Variants in DGKB observed in about 807,000 individuals in gnomAD.
DGKB encodes the protein diacylglycerol kinase beta.
In DGKB, 67 loss-of-function variants were observed where a neutral mutation model predicts 114.3. That is an observed-to-expected ratio of 0.59 (90% CI 0.48 to 0.72). DGKB has a LOEUF of 0.72. DGKB is among the 30% of genes least tolerant of loss of function. The pLI, the probability that DGKB is intolerant of heterozygous loss-of-function variation, is 0.00. For missense variants in DGKB, 907 were observed against 975.2 expected (o/e 0.93, Z 0.93); for synonymous variants, 398 against 323.1 (o/e 1.23, Z -2.49).
chr7:14,209,723 A>ATAAGT (rs952447249), intron 23 of DGKB, among the ~76,000 whole-genome samples: 1 of 152,142 alleles, frequency 6.6e-6, no homozygotes, highest in African/African-American at 2.4e-5. Flanking sequence ...AACTTCAGAC[A>ATAAGT]TAAGTTAATA....
chr7:14,704,458 A>G (rs566519369), intron 6 of DGKB, among the ~76,000 whole-genome samples: 7 of 149,886 alleles, frequency 4.7e-5, no homozygotes, highest in Non-Finnish European at 1.0e-4. Context: ...AAAAAAAAAA[A>G]AAAAAAGAAA....
At chr7:14,183,842 TC>T (rs1562557898) in intron 23 of DGKB, among the ~76,000 whole-genome samples, 1 of 152,172 alleles carries the variant, frequency 6.6e-6, no homozygotes, top group Non-Finnish European at 1.5e-5. Context: ...ACAGAGCAGC[TC>T]GCATTGTAAA....
At chr7:14,374,903 C>T (rs895523762) in intron 21 of DGKB, among the ~76,000 whole-genome samples, 16 of 152,152 alleles carry the variant, frequency 1.1e-4, no homozygotes, top group African/African-American at 3.6e-4. Flanking sequence ...CTGAGGAGGG[C>T]ACAGATTGTC....
intron 23 of DGKB, among the ~76,000 whole-genome samples, chr7:14,336,797 C>T (rs1440264869): frequency 6.6e-6 from 1 of 152,018 alleles, no homozygotes; most frequent in East Asian, 1.9e-4. Context: ...AGTGTACAGA[C>T]ATGTGTTTGG....
chr7:14,474,704 T>C (rs1000064416), intron 21 of DGKB, among the ~76,000 whole-genome samples: 2 of 152,056 alleles, frequency 1.3e-5, no homozygotes, highest in Admixed American at 6.6e-5. Context: ...CCATGAGAAG[T>C]ATTATGTATG....
chr7:14,885,468 G>T (rs529190588), intron 1 of DGKB, among the ~76,000 whole-genome samples: 168 of 151,998 alleles, frequency 1.1e-3, no homozygotes, highest in African/African-American at 3.9e-3. Context: ...TGGAAAGATG[G>T]AAGAAATTAG....
chr7:14,819,385 A>C (rs2128099038), intron 2 of DGKB, among the ~76,000 whole-genome samples: 1 of 152,240 alleles, frequency 6.6e-6, no homozygotes, highest in Middle Eastern at 3.4e-3. Flanking sequence ...CAGAAGTTCA[A>C]GACCAGCCTG....
chr7:14,205,008 C>A (rs1363494410), intron 23 of DGKB, among the ~76,000 whole-genome samples: 1 of 152,000 alleles, frequency 6.6e-6, no homozygotes. Flanking sequence ...CAACTTCATT[C>A]TTCCTTCATG....
chr7:14,216,701 G>T (rs973829597), intron 23 of DGKB, among the ~76,000 whole-genome samples: 2 of 145,694 alleles, frequency 1.4e-5, no homozygotes, highest in African/African-American at 2.6e-5. Flanking sequence ...ACTCCAACCT[G>T]GGTGACAGAG....
chr7:14,374,005 C>A (rs1240427604), intron 21 of DGKB, among the ~76,000 whole-genome samples: 1 of 152,104 alleles, frequency 6.6e-6, no homozygotes, highest in Non-Finnish European at 1.5e-5. Flanking sequence ...CTTGCCCTTC[C>A]TGAAAGATCT....
chr7:14,293,562 C>T (rs978507957), intron 23 of DGKB, among the ~76,000 whole-genome samples: 3 of 152,132 alleles, frequency 2.0e-5, no homozygotes, highest in Admixed American at 6.6e-5. Context: ...ATAAAAAACA[C>T]ATAAATCATC....
At chr7:14,277,038 A>G (rs1799116671) in intron 23 of DGKB, among the ~76,000 whole-genome samples, 2 of 152,148 alleles carry the variant, frequency 1.3e-5, no homozygotes, top group Non-Finnish European at 2.9e-5. Flanking sequence ...ATTATTGACT[A>G]TAGTCACTCT....
chr7:14,879,963 C>A (rs958624851), intron 1 of DGKB, among the ~76,000 whole-genome samples: 1 of 152,150 alleles, frequency 6.6e-6, no homozygotes, highest in African/African-American at 2.4e-5. Context: ...TAGCATTTCT[C>A]AGCCTCACAA....
chr7:14,455,745 G>T (rs906645029), intron 21 of DGKB, among the ~76,000 whole-genome samples: 1 of 151,914 alleles, frequency 6.6e-6, no homozygotes, highest in African/African-American at 2.4e-5. Context: ...CTTGGTTCAG[G>T]AAATAGATAT....
At chr7:14,247,946 T>C (rs1021101956) in intron 23 of DGKB, among the ~76,000 whole-genome samples, 3 of 152,106 alleles carry the variant, frequency 2.0e-5, no homozygotes, top group Admixed American at 2.0e-4. Flanking sequence ...CGAGTAGCTT[T>C]TCCTGATGTT....
chr7:14,711,568 A>G (rs1217743558), intron 6 of DGKB, among the ~76,000 whole-genome samples: 1 of 152,144 alleles, frequency 6.6e-6, no homozygotes, highest in African/African-American at 2.4e-5. Flanking sequence ...ATATGAGAGG[A>G]GAAAACACTA....
intron 12 of DGKB, among the ~76,000 whole-genome samples, chr7:14,675,948 A>G (rs1339384056): frequency 6.6e-6 from 1 of 152,054 alleles, no homozygotes; most frequent in Non-Finnish European, 1.5e-5. Context: ...CGTGAATCAA[A>G]TTTGTATGAC....
intron 20 of DGKB, among the ~76,000 whole-genome samples, chr7:14,493,936 A>ACACACACT (rs1344051899): frequency 6.6e-6 from 1 of 150,842 alleles, no homozygotes; most frequent in African/African-American, 2.4e-5. Flanking sequence ...ACACACACAC[A>ACACACACT]CACACACACA....
At chr7:14,433,566 C>T (rs112033000) in intron 21 of DGKB, among the ~76,000 whole-genome samples, 26 of 152,022 alleles carry the variant, frequency 1.7e-4, no homozygotes, top group Non-Finnish European at 2.9e-4. Flanking sequence ...CTGAAAAAAA[C>T]CACTACATAA....
Sources: allele counts gnomAD v4.1 joint callset (sites outside exome capture counted in the v4.1 genomes callset), GRCh38; gene constraint gnomAD v4.1.1; transcripts MANE v1.5; gene names NCBI Gene and HGNC (gene_info 2026-07-23, HGNC 2026-07-21).